The following ADCY2 variants were observed in gnomAD, a reference collection of about 807,000 sequenced individuals.
The protein encoded by ADCY2 is adenylate cyclase type 2.
A neutral mutation model predicts 125.2 loss-of-function variants in ADCY2; 31 were observed. That is an observed-to-expected ratio of 0.25 (90% CI 0.19 to 0.33). ADCY2 has a LOEUF of 0.33. ADCY2 is among the 10% of genes least tolerant of loss of function. The pLI is 1.00. For synonymous variants in ADCY2, 512 were observed against 548.4 expected, an observed-to-expected ratio of 0.93 and a Z score of 0.93; for missense variants, 904 against 1,418.2, an observed-to-expected ratio of 0.64 and a Z score of 5.82.
chr5:7,766,263 G>A (rs978908233), intron 16 of ADCY2, among the ~76,000 whole-genome samples: 1 of 152,094 alleles, frequency 6.6e-6, no homozygotes, highest in African/African-American at 2.4e-5. Flanking sequence ...TCATAGGACT[G>A]TATTGACTCA....
At chr5:7,706,345 T>C (rs1055057258) in intron 7 of ADCY2, among the ~76,000 whole-genome samples, 2 of 152,246 alleles carry the variant, frequency 1.3e-5, no homozygotes, top group African/African-American at 2.4e-5. Flanking sequence ...GAGAGGTACA[T>C]TGTGCTAAGA....
intron 3 of ADCY2, among the ~76,000 whole-genome samples, chr5:7,603,292 G>A (rs1737276434): frequency 6.6e-6 from 1 of 152,138 alleles, no homozygotes. Context: ...GGTGGGAAAG[G>A]TCTTGAAGAG....
At chr5:7,460,072 C>T (rs1177289733) in intron 2 of ADCY2, among the ~76,000 whole-genome samples, 1 of 151,770 alleles carries the variant, frequency 6.6e-6, no homozygotes. Context: ...AGGTGTGAGC[C>T]ACGGTGCCCA....
chr5:7,733,028 T>G (rs1470022643), intron 14 of ADCY2, among the ~76,000 whole-genome samples: 1 of 152,216 alleles, frequency 6.6e-6, no homozygotes, highest in African/African-American at 2.4e-5. Flanking sequence ...GAATTGCTTT[T>G]TTTGCTTTTA....
intron 2 of ADCY2, among the ~76,000 whole-genome samples, chr5:7,460,508 A>G (rs1488083418): frequency 6.6e-6 from 1 of 152,200 alleles, no homozygotes; most frequent in Non-Finnish European, 1.5e-5. Context: ...AGTATTATCA[A>G]AATTAAAACT....
chr5:7,494,649 T>G (rs1743283487), intron 2 of ADCY2, among the ~76,000 whole-genome samples: 1 of 152,022 alleles, frequency 6.6e-6, no homozygotes, highest in Non-Finnish European at 1.5e-5. Context: ...AGTGAACTCT[T>G]TAATTAGTGT....
chr5:7,601,279 T>G (rs1737190846), intron 3 of ADCY2, among the ~76,000 whole-genome samples: 1 of 152,086 alleles, frequency 6.6e-6, no homozygotes, highest in Admixed American at 6.6e-5. Flanking sequence ...ATTAAGTTAT[T>G]AATAGCTCAA....
chr5:7,701,486 T>C (rs537933249), intron 7 of ADCY2, among the ~76,000 whole-genome samples: 2 of 152,332 alleles, frequency 1.3e-5, no homozygotes, highest in East Asian at 3.9e-4. Context: ...CTTTGAATCA[T>C]TTTTATGTGT....
chr5:7,518,027 C>A (rs769998751), intron 2 of ADCY2, among the ~76,000 whole-genome samples: 1 of 152,106 alleles, frequency 6.6e-6, no homozygotes, highest in African/African-American at 2.4e-5. Context: ...GTATCTTAAT[C>A]GAACATACTT....
In ADCY2 at chr5:7,780,964, C is replaced by T. The variant is rs138033950; in HGVS notation, c.2385-3401C>T. Among the ~76,000 whole-genome samples the T allele has an allele frequency of 3.7e-3, 567 of 152,320 alleles. 4 individuals are homozygous for T. The highest frequency in any genetic ancestry group is 6.0e-3 in the Non-Finnish European group (409 of 68,036). The stretch of plus-strand genomic sequence containing the variant: ...GGAGGGCCAACGGCAGACGCCTGTG[C>T]GGCACGGGAGCATCTGAGTCCCCAG... On this transcript the variant is annotated intron_variant, in intron 18 of 24. Transcript: ENST00000338316.
intron 2 of ADCY2, among the ~76,000 whole-genome samples, chr5:7,447,679 G>T (rs1360919977): frequency 6.6e-6 from 1 of 152,230 alleles, no homozygotes; most frequent in Non-Finnish European, 1.5e-5. Flanking sequence ...GCAGGAGGAG[G>T]CTATTCTGAG....
intron 3 of ADCY2, among the ~76,000 whole-genome samples, chr5:7,575,797 C>T (rs1736227647): frequency 6.6e-6 from 1 of 151,930 alleles, no homozygotes; most frequent in Admixed American, 6.6e-5. Context: ...TGTTCTAACA[C>T]CAATGCTAAA....
intron 3 of ADCY2, among the ~76,000 whole-genome samples, chr5:7,589,553 G>A (rs1285516381): frequency 6.9e-6 from 1 of 144,452 alleles, no homozygotes. Flanking sequence ...GAGGGAAGGA[G>A]GAAGGAAGGA....
chr5:7,824,689 G>A (rs1455544687), intron 24 of ADCY2, among the ~76,000 whole-genome samples: 2 of 152,144 alleles, frequency 1.3e-5, no homozygotes, highest in African/African-American at 2.4e-5. Flanking sequence ...TCAGGGTCCC[G>A]AGGACCCACA....
intron 2 of ADCY2, among the ~76,000 whole-genome samples, chr5:7,455,962 A>C (rs2126429110): frequency 6.7e-6 from 1 of 150,226 alleles, no homozygotes; most frequent in South Asian, 2.1e-4. Flanking sequence ...ATTTTAAATA[A>C]AAATTTAAAT....
intron 3 of ADCY2, among the ~76,000 whole-genome samples, chr5:7,612,354 A>G (rs1269533973): frequency 6.6e-6 from 1 of 152,230 alleles, no homozygotes; most frequent in Non-Finnish European, 1.5e-5. Flanking sequence ...ATGCAGATAC[A>G]GGGTGTCTTT....
rs536975202 is a variant in ADCY2, at chr5:7,778,908, G to A, written c.2385-5457G>A. Among the ~76,000 whole-genome samples the A allele has an allele frequency of 1.9e-3, 295 of 152,216 alleles. 3 individuals carry two copies. The highest frequency in any genetic ancestry group is 6.9e-3 in the African/African-American group (287 of 41,524). On this transcript the variant is annotated intron_variant, in intron 18 of 24. Coordinates refer to ENST00000338316, the MANE Select transcript of ADCY2 (RefSeq NM_020546.3). ...TGGATATTCCCAAGAACCTGAAATTGTTTTCATGTCTTTTCTTTAAATGAA... is the reference window on the plus strand; with the variant it reads ...TGGATATTCCCAAGAACCTGAAATTATTTTCATGTCTTTTCTTTAAATGAA...
intron 1 of ADCY2, among the ~76,000 whole-genome samples, chr5:7,410,040 G>C (rs541926827): frequency 3.5e-4 from 53 of 152,204 alleles, no homozygotes; most frequent in Non-Finnish European, 4.9e-4. Context: ...AAAGCTAAAG[G>C]CTGATTTCAT....
At chr5:7,467,760 A>G (rs1742179224) in intron 2 of ADCY2, among the ~76,000 whole-genome samples, 1 of 152,356 alleles carries the variant, frequency 6.6e-6, no homozygotes, top group South Asian at 2.1e-4. Flanking sequence ...GATAGGGCAT[A>G]TGATAAAATA....
Sources: gnomAD v4.1 joint callset for allele counts (sites outside exome capture counted in the v4.1 genomes callset) on GRCh38, gnomAD v4.1.1 for gene constraint, MANE v1.5 for transcripts, NCBI Gene and HGNC (gene_info 2026-07-23, HGNC 2026-07-21) for gene names.